The following ANTXR1 variants were observed in gnomAD, a reference collection of about 807,000 sequenced individuals.
ANTXR1 encodes ANTXR cell adhesion molecule 1, also known as anthrax toxin receptor 1.
Under a neutral mutation model 78.1 loss-of-function variants are expected in ANTXR1, and 19 were observed. The observed-to-expected ratio is 0.24, with a 90% CI of 0.17 to 0.36. ANTXR1 has a LOEUF of 0.36. ANTXR1 is among the 10% of genes least tolerant of loss of function. ANTXR1 has a pLI of 1.00. For synonymous variants in ANTXR1, 273 were observed against 260.5 expected (o/e 1.05, Z -0.46); for missense variants, 518 against 718.6 (o/e 0.72, Z 3.19).
At chr2:69,225,291 A>G (rs1198810669) in intron 17 of ANTXR1, among the ~76,000 whole-genome samples, 2 of 152,060 alleles carry the variant, frequency 1.3e-5, no homozygotes, top group African/African-American at 4.8e-5. Context: ...AGTCTCCATG[A>G]GATGCCCACA....
At chr2:69,217,515 G>A (rs1675207203) in intron 17 of ANTXR1, among the ~76,000 whole-genome samples, 1 of 152,222 alleles carries the variant, frequency 6.6e-6, no homozygotes, top group Non-Finnish European at 1.5e-5. Context: ...CTCACTGTGT[G>A]GTTTTGACTA....
At chr2:69,067,469 T>C (rs1490250524) in intron 3 of ANTXR1, among the ~76,000 whole-genome samples, 45 of 148,598 alleles carry the variant, frequency 3.0e-4, no homozygotes, top group Non-Finnish European at 6.0e-5. Flanking sequence ...TTTTTTGCTC[T>C]CTTTTTAAAT....
At chr2:69,113,674 T>C (rs1672058593) in intron 10 of ANTXR1, among the ~76,000 whole-genome samples, 1 of 152,216 alleles carries the variant, frequency 6.6e-6, no homozygotes, top group Admixed American at 6.5e-5. Context: ...TGGAAGGCTT[T>C]AGCCATTTTG....
intron 13 of ANTXR1, among the ~76,000 whole-genome samples, chr2:69,159,910 G>A (rs973687002): frequency 6.6e-6 from 1 of 152,124 alleles, no homozygotes; most frequent in South Asian, 2.1e-4. Context: ...ACCTTAAGTG[G>A]AAATAAAAAT....
At chr2:69,118,868 C>T (rs964038270) in intron 10 of ANTXR1, among the ~76,000 whole-genome samples, 6 of 152,122 alleles carry the variant, frequency 3.9e-5, no homozygotes, top group African/African-American at 1.4e-4. Context: ...AAAAGTCACT[C>T]ATTTTTGTGG....
intron 14 of ANTXR1, among the ~76,000 whole-genome samples, chr2:69,176,933 A>G (rs550915883): frequency 6.6e-6 from 1 of 152,316 alleles, no homozygotes; most frequent in South Asian, 2.1e-4. Flanking sequence ...GAGAAGCAGG[A>G]AAGTTAAAGA....
chr2:69,193,523 T>C, intron 17 of ANTXR1, 108 bp downstream of exon 17: 1 of 1,037,324 alleles, frequency 9.6e-7, no homozygotes, highest in East Asian at 2.5e-5. Flanking sequence ...TTTGTAGAGC[T>C]AAAATAACTT....
intron 3 of ANTXR1, among the ~76,000 whole-genome samples, chr2:69,060,468 G>A (rs1354880046): frequency 6.6e-6 from 1 of 152,150 alleles, no homozygotes; most frequent in East Asian, 1.9e-4. Flanking sequence ...TGATCTTACT[G>A]AGTTCTGGAG....
intron 2 of ANTXR1, among the ~76,000 whole-genome samples, chr2:69,043,627 G>A (rs566142458): frequency 4.6e-5 from 7 of 152,080 alleles, no homozygotes; most frequent in East Asian, 1.9e-4. Flanking sequence ...GATGCATCAG[G>A]CATTTATTAC....
intron 7 of ANTXR1, among the ~76,000 whole-genome samples, chr2:69,076,131 C>T (rs1445001401): frequency 6.6e-6 from 1 of 151,914 alleles, no homozygotes; most frequent in Admixed American, 6.6e-5. Flanking sequence ...CACACCATCA[C>T]ACTTGGCTAC....
intron 12 of ANTXR1, among the ~76,000 whole-genome samples, chr2:69,151,906 T>C (rs1021032792): frequency 6.6e-6 from 1 of 152,210 alleles, no homozygotes; most frequent in Non-Finnish European, 1.5e-5. Context: ...CTGTCTCTTA[T>C]GCAGTTGGTC....
At chr2:69,132,563 T>TCAC (rs1183549600) in intron 12 of ANTXR1, among the ~76,000 whole-genome samples, 6 of 152,226 alleles carry the variant, frequency 3.9e-5, no homozygotes, top group Non-Finnish European at 8.8e-5. Context: ...AGTGGCAATC[T>TCAC]CACCTTCCAA....
At chr2:69,103,196 CA>C in intron 10 of ANTXR1, 1 of 508,234 alleles carries the variant, frequency 2.0e-6, no homozygotes, top group South Asian at 2.0e-5. Flanking sequence ...CCGTCCTCCA[CA>C]AAACACAGAG....
chr2:69,231,011 T>C (rs1447952122), intron 17 of ANTXR1, among the ~76,000 whole-genome samples: 1 of 152,222 alleles, frequency 6.6e-6, no homozygotes, highest in Non-Finnish European at 1.5e-5. Flanking sequence ...TTTGTGTTCA[T>C]AAGTTCTTAT....
intron 3 of ANTXR1, among the ~76,000 whole-genome samples, chr2:69,056,976 G>A (rs1670087000): frequency 6.6e-6 from 1 of 152,082 alleles, no homozygotes; most frequent in Non-Finnish European, 1.5e-5. Context: ...ACCACAACCA[G>A]CCGAAACTTT....
intron 1 of ANTXR1, among the ~76,000 whole-genome samples, chr2:69,025,249 A>T (rs947328264): frequency 7.2e-5 from 11 of 152,110 alleles, no homozygotes; most frequent in Admixed American, 2.0e-4. Flanking sequence ...AAAAATAATA[A>T]TAAGAACAAC....
chr2:69,149,654 A>G (rs1158598849), intron 12 of ANTXR1, among the ~76,000 whole-genome samples: 1 of 152,210 alleles, frequency 6.6e-6, no homozygotes, highest in African/African-American at 2.4e-5. Context: ...ATGATCTGAA[A>G]TGCTCACCAT....
At chr2:69,128,208 G>C (rs909070432) in intron 12 of ANTXR1, among the ~76,000 whole-genome samples, 1 of 150,524 alleles carries the variant, frequency 6.6e-6, no homozygotes, top group African/African-American at 2.5e-5. Context: ...CTGAGTGACA[G>C]AGCGAGACTC....
rs537940278 is a variant in ANTXR1 at position 69,022,047 on chromosome 2, C to T, written c.152+8396C>T. ...AGTAGAAATGGAGATTAGACATGCT[C>T]TCCTGCCACCTAAGTATTACATGAA... On this transcript the variant is annotated intron_variant, in intron 1 of 17. Transcript: ENST00000303714. 2.6e-5 allele frequency among the ~76,000 whole-genome samples: 4 copies of T among 152,202 alleles called. No homozygotes were observed. The East Asian group carries it at 7.7e-4, about 29-fold the overall frequency.
Sources: gnomAD v4.1 joint callset for allele counts (sites outside exome capture counted in the v4.1 genomes callset) on GRCh38, gnomAD v4.1.1 for gene constraint, MANE v1.5 for transcripts, NCBI Gene and HGNC (gene_info 2026-07-23, HGNC 2026-07-21) for gene names.